The following SNTG1 variants were observed in gnomAD, a reference collection of about 807,000 sequenced individuals.
SNTG1 encodes syntrophin gamma 1.
A neutral mutation model predicts 74.7 loss-of-function variants in SNTG1; 39 were observed. The observed-to-expected ratio is 0.52, with a 90% CI of 0.40 to 0.68. The LOEUF (loss-of-function observed/expected upper bound fraction) is 0.68, where lower values mean the gene tolerates loss of function less well. Ranked by LOEUF, SNTG1 falls within the 30% of genes least tolerant of loss-of-function variation. The pLI is 0.00. For synonymous variants in SNTG1, 254 were observed against 217.1 expected, an observed-to-expected ratio of 1.17 and a Z score of -1.49; for missense variants, 685 against 609.5, an observed-to-expected ratio of 1.12 and a Z score of -1.30.
At chr8:50,443,778 C>G (rs2093379947) in intron 5 of SNTG1, among the ~76,000 whole-genome samples, 1 of 152,078 alleles carries the variant, frequency 6.6e-6, no homozygotes, top group Non-Finnish European at 1.5e-5. Context: ...TACCTCAAAA[C>G]TCTCTACTCA....
intron 1 of SNTG1, among the ~76,000 whole-genome samples, chr8:50,005,331 T>C (rs763167555): frequency 1.7e-4 from 26 of 152,170 alleles, no homozygotes; most frequent in Admixed American, 2.6e-4. Flanking sequence ...ATATAAATTA[T>C]CTTTACAGAA....
Position 50,381,741 on chromosome 8 carries a change from T to A in SNTG1, c.-27-12471T>A, listed in dbSNP as rs1426865058. ...GGATATATATATCCTATTAGTTATA[T>A]ATATATAGGATATATATATCCTATT... On this transcript the variant is annotated intron_variant, in intron 2 of 18. Transcript: ENST00000642720. Among the ~76,000 whole-genome samples the A allele has an allele frequency of 4.3e-5, 6 of 141,106 alleles. 1 individual carries two copies. The Admixed American group carries it at 4.5e-4, about 10-fold the overall frequency. The allele number at this position is 141,106 out of a possible 152,430, so 92.6% of individuals were successfully genotyped here.
At chr8:50,535,724 A>G (rs1002814345) in intron 10 of SNTG1, among the ~76,000 whole-genome samples, 1 of 152,340 alleles carries the variant, frequency 6.6e-6, no homozygotes, top group Middle Eastern at 3.4e-3. Context: ...CACTGGAAGC[A>G]TTGTTAAAAA....
chr8:49,990,817 G>T (rs1813612473), intron 1 of SNTG1, among the ~76,000 whole-genome samples: 1 of 152,018 alleles, frequency 6.6e-6, no homozygotes, highest in South Asian at 2.1e-4. Context: ...CATAAATAAG[G>T]CCTAAAACTA....
At chr8:50,619,432 A>C (rs2094906036) in intron 13 of SNTG1, among the ~76,000 whole-genome samples, 1 of 152,110 alleles carries the variant, frequency 6.6e-6, no homozygotes, top group Admixed American at 6.5e-5. Flanking sequence ...GGCCATTATA[A>C]GCTACATGGC....
At chr8:50,089,851 A>T (rs1053347581) in intron 1 of SNTG1, among the ~76,000 whole-genome samples, 6 of 152,196 alleles carry the variant, frequency 3.9e-5, no homozygotes, top group African/African-American at 1.4e-4. Context: ...CAGTGTGGCG[A>T]TTCCTCAGGG....
chr8:50,376,750 T>TAGAGAGAGAGAGAGAG (rs1347321799), intron 2 of SNTG1, among the ~76,000 whole-genome samples: 5 of 102,780 alleles, frequency 4.9e-5, no homozygotes, highest in Admixed American at 1.0e-4. Context: ...TATATATATA[T>TAGAGAGAGAGAGAGAG]ATATATAGAG....
intron 15 of SNTG1, among the ~76,000 whole-genome samples, chr8:50,701,729 T>C (rs1454716174): frequency 1.0e-5 from 1 of 99,088 alleles, no homozygotes; most frequent in Non-Finnish European, 2.0e-5. Context: ...TTTTTCTTCT[T>C]CTTTTTCTTT....
intron 1 of SNTG1, among the ~76,000 whole-genome samples, chr8:50,042,728 C>CT (rs1404618290): frequency 0.011 from 1,604 of 143,038 alleles, 10 homozygotes; most frequent in Non-Finnish European, 0.016. Flanking sequence ...GGCTAATTGA[C>CT]TTTTTTTTTT....
At chr8:50,353,826 A>G (rs1022275335) in intron 2 of SNTG1, among the ~76,000 whole-genome samples, 6 of 152,232 alleles carry the variant, frequency 3.9e-5, no homozygotes, top group African/African-American at 7.2e-5. Context: ...GAATTGATCA[A>G]CGAAGACTGC....
At chr8:50,657,051 G>A (rs2095186921) in intron 14 of SNTG1, 26 bp downstream of exon 14, 2 of 1,364,978 alleles carry the variant, frequency 1.5e-6, no homozygotes, top group East Asian at 5.1e-5. Context: ...AAATGTATTG[G>A]TCGTTTCCAT....
chr8:50,129,957 C>T (rs1478093468), intron 1 of SNTG1, among the ~76,000 whole-genome samples: 1 of 151,878 alleles, frequency 6.6e-6, no homozygotes, highest in African/African-American at 2.4e-5. Context: ...TTTAGGTGAC[C>T]AGAAATTCAT....
At chr8:50,635,531 CT>C (rs2131139743) in intron 13 of SNTG1, among the ~76,000 whole-genome samples, 1 of 152,304 alleles carries the variant, frequency 6.6e-6, no homozygotes, top group South Asian at 2.1e-4. Context: ...TCTTCCTTCC[CT>C]TTTACACAGG....
At chr8:50,784,890 A>T (rs2095670228) in intron 18 of SNTG1, among the ~76,000 whole-genome samples, 2 of 152,182 alleles carry the variant, frequency 1.3e-5, no homozygotes, top group African/African-American at 4.8e-5. Flanking sequence ...TTAGAAATGA[A>T]TAACAAAAGA....
intron 5 of SNTG1, among the ~76,000 whole-genome samples, chr8:50,442,459 C>T (rs2093366428): frequency 2.0e-5 from 3 of 152,056 alleles, no homozygotes; most frequent in Non-Finnish European, 2.9e-5. Context: ...ACCTGGCTCA[C>T]TCCTGCTCCC....
chr8:50,048,720 A>C (rs1819311789), intron 1 of SNTG1, among the ~76,000 whole-genome samples: 1 of 152,162 alleles, frequency 6.6e-6, no homozygotes. Context: ...AATTATGGCA[A>C]TATCATAAAC....
intron 13 of SNTG1, among the ~76,000 whole-genome samples, chr8:50,641,567 T>A (rs2095073356): frequency 6.6e-6 from 1 of 152,174 alleles, no homozygotes; most frequent in Admixed American, 6.5e-5. Flanking sequence ...ATCTACTGTC[T>A]CCAATTAGCC....
chr8:50,078,675 G>A (rs574444332), intron 1 of SNTG1, among the ~76,000 whole-genome samples: 5 of 152,046 alleles, frequency 3.3e-5, no homozygotes, highest in Admixed American at 2.0e-4. Context: ...TAAGCCCTGC[G>A]TGCATTAGGT....
rs1283589408 is a variant in SNTG1 at position 50,501,441 on chromosome 8, T to G, written c.364-1337T>G. ...AGCCTGTGCGTTTTTTTTTTTTTTT[T>G]TTTTTTTTTTTTTCACGGAGTTTTG... is the stretch of plus-strand genomic sequence containing the variant. On this transcript the variant is annotated intron_variant, in intron 8 of 18. Coordinates refer to ENST00000642720, the MANE Select transcript of SNTG1 (RefSeq NM_018967.5). Among the ~76,000 whole-genome samples the G allele has an allele frequency of 1.2e-4, 16 of 132,342 alleles. 1 individual carries two copies. The highest frequency in any genetic ancestry group is 1.5e-4 in the Admixed American group (2 of 13,242). The allele number at this position is 132,342 out of a possible 152,430, so 86.8% of individuals were successfully genotyped here.
Sources: allele counts gnomAD v4.1 joint callset (sites outside exome capture counted in the v4.1 genomes callset), GRCh38; gene constraint gnomAD v4.1.1; transcripts MANE v1.5; gene names NCBI Gene and HGNC (gene_info 2026-07-23, HGNC 2026-07-21).